The following MAP1B variants were observed in gnomAD, a reference collection of about 807,000 sequenced individuals.
The protein encoded by MAP1B is microtubule associated protein 1B.
MAP1B carries 12 observed loss-of-function variants against 176.1 expected under a neutral mutation model. That is an observed-to-expected ratio of 0.07 (90% CI 0.04 to 0.11). MAP1B has a LOEUF of 0.11. MAP1B is among the 10% of genes least tolerant of loss of function. The pLI, the probability that MAP1B is intolerant of heterozygous loss-of-function variation, is 1.00. For synonymous variants in MAP1B, 1,044 were observed against 1,135.0 expected (o/e 0.92, Z 1.61); for missense variants, 2,523 against 2,990.5 (o/e 0.84, Z 3.65).
intron 5 of MAP1B, 143 bp from the exon 6 acceptor site, chr5:72,203,420 G>T (rs1294464087): frequency 1.4e-6 from 1 of 696,898 alleles, no homozygotes; most frequent in Non-Finnish European, 2.6e-6. Context: ...CAGGGAGATG[G>T]AAATGCTGTC....
At chr5:72,181,871 C>G (rs559254914) in intron 2 of MAP1B, among the ~76,000 whole-genome samples, 19 of 151,988 alleles carry the variant, frequency 1.3e-4, no homozygotes, top group Non-Finnish European at 2.1e-4. Flanking sequence ...ATTACAGGTG[C>G]ACATCATCAC....
chr5:72,141,101 C>T (rs979654556), intron 2 of MAP1B, among the ~76,000 whole-genome samples: 1 of 152,174 alleles, frequency 6.6e-6, no homozygotes, highest in African/African-American at 2.4e-5. Flanking sequence ...TATAGGGTAC[C>T]GTTCCCTGCA....
chr5:72,127,930 A>C (rs1745658410), intron 2 of MAP1B, among the ~76,000 whole-genome samples: 1 of 152,250 alleles, frequency 6.6e-6, no homozygotes, highest in Admixed American at 6.5e-5. Flanking sequence ...TACTTAAATT[A>C]TTTATAGAAG....
At chr5:72,119,142 G>T (rs1247997167) in intron 2 of MAP1B, among the ~76,000 whole-genome samples, 3 of 151,822 alleles carry the variant, frequency 2.0e-5, no homozygotes, top group Non-Finnish European at 2.9e-5. Context: ...ACACAAGGTG[G>T]GTGGTGGGTG....
chr5:72,124,738 A>G (rs920084028), intron 2 of MAP1B, among the ~76,000 whole-genome samples: 4 of 152,240 alleles, frequency 2.6e-5, no homozygotes, highest in South Asian at 2.1e-4. Context: ...GGGAGCTGTG[A>G]GTAAACACGC....
In MAP1B at chr5:72,204,980, A is replaced by G; in HGVS notation, c.7252-104A>G. ...GAGGAAAATAGAAAAGTTTTCTCTC[A>G]TTTCCCTTCTTCTTCCAGTGGTCTA... On this transcript the variant is annotated intron_variant, in intron 6 of 6. Coordinates refer to ENST00000296755, the MANE Select transcript of MAP1B (RefSeq NM_005909.5). This position sits in a 1 kb window ranked among gnomAD's most constrained non-coding sequence, Gnocchi z 4.4. 3 of 757,386 alleles carry G rather than the reference A, an allele frequency of 4.0e-6. No individual in the cohort carries two copies. The highest frequency in any genetic ancestry group is 2.8e-5 in the East Asian group (1 of 36,204). 46.9% of individuals were successfully genotyped at this position (757,386 alleles called of 1,614,324 possible).
In MAP1B at chr5:72,194,933, C is replaced by T; in HGVS notation, c.1578C>T (p.Pro526=). 6.2e-7 allele frequency: 1 copy of T among 1,614,160 alleles called. No homozygotes were observed. Among genetic ancestry groups the T allele is most frequent in the Non-Finnish European group, 8.5e-7 (1 of 1,180,036 alleles). Residue 526 remains proline, a synonymous_variant, in exon 5 of 7, where the codon CCC becomes CCT. Transcript: ENST00000296755. This position sits in a 1 kb window ranked among gnomAD's most constrained non-coding sequence, Gnocchi z 7.2. ...AAAAGGATCTCACTGGCCAGGTGCC[C>T]ACTCCTGTGGTGAAACAAACAAAAC... is the stretch of plus-strand genomic sequence containing the variant. ...ATQKDLTGQV[P]TPVVKQTKLK... is the part of the protein sequence containing the mutation.
rs765328148 is a variant in MAP1B, at chr5:72,195,007, C to T, written c.1652C>T (p.Pro551Leu). ...GAAAGTCTGAAGCCAGCCGCAAAAC[C>T]ACTTCCTAGCAAATCCGTGCGCAAG... ...SRESLKPAAKPLPSKSVRKES... is the reference protein window; with the variant it reads ...SRESLKPAAKLLPSKSVRKES... The change falls in exon 5 of 7, where the codon CCA becomes CTA. Residue 551 changes from proline to leucine, a missense_variant. Pro to Leu is a moderately conservative substitution (Grantham distance 98). Transcript: ENST00000296755. 6.2e-7 allele frequency: 1 copy of T among 1,613,846 alleles called. No homozygotes were observed. Among genetic ancestry groups the T allele is most frequent in the South Asian group, 1.1e-5 (1 of 91,036 alleles).
At chr5:72,171,843 T>C (rs3098378) in intron 2 of MAP1B, among the ~76,000 whole-genome samples, 47,429 of 151,990 alleles carry the variant, frequency 0.31, 8,161 homozygotes, top group Non-Finnish European at 0.4. Context: ...CAGCTAGGCA[T>C]CCAGCCATGA....
intron 2 of MAP1B, among the ~76,000 whole-genome samples, chr5:72,158,512 G>A (rs374800316): frequency 4.6e-5 from 7 of 152,320 alleles, no homozygotes; most frequent in African/African-American, 1.7e-4. Flanking sequence ...GCACAAGGGA[G>A]CTGCCCTATG....
At position 72,194,024 on chromosome 5, in the gene MAP1B, G is replaced by T; in HGVS notation, c.669G>T (p.Met223Ile). Residue 223 changes from methionine to isoleucine, a missense_variant, in exon 5 of 7, where the codon ATG (methionine) becomes ATT (isoleucine). Transcript: ENST00000296755. The surrounding 1 kb of genome is among the most constrained non-coding windows in gnomAD (Gnocchi z 7.2). ...ATTCAGCTTCTATCTTGCCAGAAAT[G>T]GAAGGACTTTCTGAGTTTACCGAGT... ...KLNSASILPE[M>I]EGLSEFTEYL... 6.2e-7 allele frequency: 1 copy of T among 1,614,152 alleles called. No individual in the cohort carries two copies. Among genetic ancestry groups the T allele is most frequent in the Non-Finnish European group, 8.5e-7 (1 of 1,180,030 alleles).
rs768959927 is a variant in MAP1B at position 72,200,076 on chromosome 5, GAGA to G, written c.6725_6727del (p.Lys2242del). ...CAAAGCTCTAAAGAAAGATCTGAAA[GAGA>G]AGACCAAAACCAAAAAGCCAGGTAC... On this transcript the variant is annotated inframe_deletion, in exon 5 of 7. Coordinates refer to ENST00000296755, the MANE Select transcript of MAP1B (RefSeq NM_005909.5). 3 of 1,614,190 alleles carry G rather than the reference GAGA, an allele frequency of 1.9e-6. No homozygotes were observed. The Admixed American group carries it at 5.0e-5, about 27-fold the overall frequency.
At chr5:72,151,789 CT>C (rs1746144907) in intron 2 of MAP1B, among the ~76,000 whole-genome samples, 1 of 152,212 alleles carries the variant, frequency 6.6e-6, no homozygotes. Flanking sequence ...AGTTCCCTCC[CT>C]GTTCTTTAGA....
In MAP1B at chr5:72,199,357, T is replaced by C. The variant is rs749521656; in HGVS notation, c.6002T>C (p.Leu2001Pro). 6 of 1,614,014 alleles carry C rather than the reference T, an allele frequency of 3.7e-6. No homozygotes were observed. Among genetic ancestry groups the C allele is most frequent in the Admixed American group, 3.3e-5 (2 of 59,994 alleles). The change falls in exon 5 of 7, where the codon CTT becomes CCT. Residue 2001 changes from leucine to proline, a missense_variant. By Grantham distance (98) the Leu-to-Pro change is moderately conservative. Around this residue, in one of 4 missense-constraint regions of MAP1B, gnomAD observed 1,925 missense variants for 2,126.0 expected, o/e 0.91. Coordinates refer to ENST00000296755, the MANE Select transcript of MAP1B (RefSeq NM_005909.5). This position sits in a 1 kb window ranked among gnomAD's most constrained non-coding sequence, Gnocchi z 4.2. ...YDDSEDGGHT[L>P]GDPSYSYETT... Reference sequence around the variant, plus strand: ...GACTCTGAGGATGGTGGCCACACACTTGGGGACCCCAGCTACTCTTATGAA... The same window carrying C: ...GACTCTGAGGATGGTGGCCACACACCTGGGGACCCCAGCTACTCTTATGAA...
At chr5:72,121,655 A>T (rs1424925371) in intron 2 of MAP1B, among the ~76,000 whole-genome samples, 1 of 152,208 alleles carries the variant, frequency 6.6e-6, no homozygotes, top group Non-Finnish European at 1.5e-5. Context: ...ACTAATATTT[A>T]CCAGTTGAGT....
chr5:72,112,742 C>A (rs563178354), intron 1 of MAP1B, among the ~76,000 whole-genome samples: 1 of 152,344 alleles, frequency 6.6e-6, no homozygotes, highest in Admixed American at 6.5e-5. Flanking sequence ...ATGGGGTTCA[C>A]TGCCTCCAAC....
chr5:72,133,709 TTAA>T (rs1292832986), intron 2 of MAP1B, among the ~76,000 whole-genome samples: 2 of 152,216 alleles, frequency 1.3e-5, no homozygotes, highest in Non-Finnish European at 2.9e-5. Context: ...AAAGACAGTC[TTAA>T]TAATGATTAA....
chr5:72,174,672 G>A (rs1009032606), intron 2 of MAP1B, among the ~76,000 whole-genome samples: 1 of 152,172 alleles, frequency 6.6e-6, no homozygotes, highest in Non-Finnish European at 1.5e-5. Context: ...GCGTTGAGGG[G>A]CATGTGTATT....
intron 2 of MAP1B, among the ~76,000 whole-genome samples, chr5:72,130,065 T>C (rs1356715887): frequency 6.6e-6 from 1 of 152,060 alleles, no homozygotes; most frequent in East Asian, 1.9e-4. Context: ...GGATTTTCTA[T>C]GCTTGGTGAG....
Sources: allele counts gnomAD v4.1 joint callset (sites outside exome capture counted in the v4.1 genomes callset), GRCh38; gene constraint gnomAD v4.1.1; regional missense constraint gnomAD v4.1.1; non-coding constraint Gnocchi (gnomAD v3.1); transcripts MANE v1.5; gene names NCBI Gene and HGNC (gene_info 2026-07-23, HGNC 2026-07-21).